ZBTB10: variants seen among roughly 807,000 people sequenced by gnomAD.
ZBTB10 encodes zinc finger and BTB domain-containing protein 10.
A neutral mutation model predicts 76.4 loss-of-function variants in ZBTB10; 32 were observed. That is an observed-to-expected ratio of 0.42 (90% CI 0.32 to 0.56). The LOEUF (loss-of-function observed/expected upper bound fraction) is 0.56, where lower values mean the gene tolerates loss of function less well. Among genes scored for constraint, ZBTB10 ranks in the 20% least tolerant of loss-of-function variants. The pLI is 0.14. For missense variants in ZBTB10, 1,057 were observed against 1,098.5 expected (o/e 0.96, Z 0.53); for synonymous variants, 523 against 432.9 (o/e 1.21, Z -2.58).
intron 2 of ZBTB10, among the ~76,000 whole-genome samples, chr8:80,501,896 C>T (rs1013545458): frequency 6.6e-6 from 1 of 152,148 alleles, no homozygotes; most frequent in African/African-American, 2.4e-5. Context: ...ATTAGAGCTA[C>T]GTTGTCTTTG....
chr8:80,498,753 C>T (rs575605815), intron 1 of ZBTB10, among the ~76,000 whole-genome samples: 28 of 152,076 alleles, frequency 1.8e-4, no homozygotes, highest in Non-Finnish European at 4.0e-4. Context: ...TTAATTGTGA[C>T]GCCAAGTAGA....
rs570875829 is a variant in ZBTB10 at position 80,525,749 on chromosome 8, C to G, written c.*6221C>G. 9.1e-4 allele frequency: 138 copies of G among 152,236 alleles called. No individual in the cohort carries two copies. The highest frequency in any genetic ancestry group is 3.1e-3 in the African/African-American group (129 of 41,548). 9.4% of individuals were successfully genotyped at this position (152,236 alleles called of 1,614,324 possible). ...GGGATAAGTTTGAAGTTAGAAGATT[C>G]CAGAGTACACTCAAATAGTATTTGG... On this transcript the variant is annotated 3_prime_UTR_variant, in exon 6 of 6. Transcript: ENST00000455036.
intron 1 of ZBTB10, 22 bp from the exon 2 acceptor site, chr8:80,499,472 A>T (rs746429340): frequency 3.3e-6 from 5 of 1,535,858 alleles, no homozygotes; most frequent in South Asian, 2.6e-5. Context: ...GTTTAATATT[A>T]ATGTTTTTTA....
intron 1 of ZBTB10, among the ~76,000 whole-genome samples, chr8:80,496,760 G>A (rs189589045): frequency 5.8e-4 from 88 of 152,262 alleles, no homozygotes; most frequent in African/African-American, 2.1e-3. Context: ...CTTGATATAC[G>A]GACTTTAGGC....
chr8:80,501,506 G>A (rs758761477), intron 2 of ZBTB10, among the ~76,000 whole-genome samples: 12 of 152,134 alleles, frequency 7.9e-5, no homozygotes, highest in Admixed American at 2.6e-4. Flanking sequence ...CACTGTAACT[G>A]TTCAGTGTCT....
chr8:80,502,737 G>T (rs1160689340), intron 2 of ZBTB10, among the ~76,000 whole-genome samples: 2 of 116,698 alleles, frequency 1.7e-5, no homozygotes, highest in East Asian at 4.3e-4. Context: ...GGCTAAAACA[G>T]TAAAAAAAAA....
At chr8:80,505,741 A>G (rs1333744126) in intron 2 of ZBTB10, among the ~76,000 whole-genome samples, 1 of 151,898 alleles carries the variant, frequency 6.6e-6, no homozygotes, top group East Asian at 1.9e-4. Context: ...GTAATAAGGC[A>G]TATATTTGAG....
chr8:80,485,978 T>TTCTCCG (rs1815436017), upstream of ZBTB10: 1 of 996,836 alleles, frequency 1.0e-6, no homozygotes, highest in Admixed American at 3.4e-5. Flanking sequence ...GCCCGCCCCC[T>TTCTCCG]CCCTGAGACC....
intron 1 of ZBTB10, among the ~76,000 whole-genome samples, chr8:80,497,450 A>G (rs1815811768): frequency 7.6e-6 from 1 of 131,110 alleles, no homozygotes; most frequent in African/African-American, 3.0e-5. Flanking sequence ...GCTAATTTAG[A>G]GCATGGAACA....
Position 80,524,914 on chromosome 8 carries a change from C to G in ZBTB10, c.*5386C>G, listed in dbSNP as rs967126762. 6.6e-6 allele frequency: 1 copy of G among 152,050 alleles called. No homozygotes were observed. The highest frequency in any genetic ancestry group is 1.5e-5 in the Non-Finnish European group (1 of 67,966). 9.4% of individuals were successfully genotyped at this position (152,050 alleles called of 1,614,324 possible). ...CAAAGGCAGTATTGACCAGACATTT[C>G]TATTTCAGAGTTGGATTTGTGCTTA... is the stretch of plus-strand genomic sequence containing the variant. On this transcript the variant is annotated 3_prime_UTR_variant, in exon 6 of 6. Coordinates refer to ENST00000455036, the MANE Select transcript of ZBTB10 (RefSeq NM_001105539.3).
chr8:80,494,852 G>T (rs1457479475), intron 1 of ZBTB10, among the ~76,000 whole-genome samples: 2 of 150,864 alleles, frequency 1.3e-5, no homozygotes, highest in Non-Finnish European at 2.9e-5. Flanking sequence ...TTGAACCCAG[G>T]AGGTTGAGGG....
In ZBTB10 at chr8:80,486,237, G is replaced by A. The variant is rs1379341297; in HGVS notation, c.-574G>A. On this transcript the variant is annotated 5_prime_UTR_variant, in exon 1 of 6. Transcript: ENST00000455036. Reference sequence around the variant, plus strand: ...ACGGTCCGTTGTTCATTTGCCATTCGACCTCCGCCAGGGCCTGGTCGGACG... The same window carrying A: ...ACGGTCCGTTGTTCATTTGCCATTCAACCTCCGCCAGGGCCTGGTCGGACG... 16 of 1,037,640 alleles carry A rather than the reference G, an allele frequency of 1.5e-5. No individual in the cohort carries two copies. Among genetic ancestry groups the A allele is most frequent in the Non-Finnish European group, 1.8e-5 (16 of 865,234 alleles). 64.3% of individuals were successfully genotyped at this position (1,037,640 alleles called of 1,614,324 possible). A position where few individuals can be genotyped will look rare whatever the true frequency, so the allele number is the denominator to read the frequency against.
chr8:80,518,340 C>T (rs1020160762), intron 3 of ZBTB10, 63 bp from the exon 4 acceptor site: 47 of 1,427,228 alleles, frequency 3.3e-5, no homozygotes, highest in Non-Finnish European at 4.4e-5. Context: ...TTTCTGTTTT[C>T]TGACTCTGAT....
At chr8:80,507,398 G>A (rs1015244823) in intron 2 of ZBTB10, among the ~76,000 whole-genome samples, 1 of 151,998 alleles carries the variant, frequency 6.6e-6, no homozygotes, top group African/African-American at 2.4e-5. Context: ...GGTTCACAAG[G>A]TCAGGAGATC....
rs138279182 is a variant in ZBTB10 at position 80,502,284 on chromosome 8, G to A, written c.1861+1902G>A. On this transcript the variant is annotated intron_variant, in intron 2 of 5. Transcript: ENST00000455036. ...GGAGTCTCACTCTGTTGCCCAGGCT[G>A]GAGTGCAGTGGCACAGTCTTGGTTC... 6.4e-3 allele frequency among the ~76,000 whole-genome samples: 968 copies of A among 152,308 alleles called. 2 individuals carry two copies. Among genetic ancestry groups the A allele is most frequent in the Non-Finnish European group, 0.011 (766 of 68,036 alleles).
chr8:80,517,352 A>G (rs1269052537), intron 3 of ZBTB10, among the ~76,000 whole-genome samples: 1 of 152,170 alleles, frequency 6.6e-6, no homozygotes, highest in Non-Finnish European at 1.5e-5. Context: ...CTGGATATAT[A>G]TTCCTATTGC....
chr8:80,495,630 C>A (rs1376032757), intron 1 of ZBTB10, among the ~76,000 whole-genome samples: 1 of 152,096 alleles, frequency 6.6e-6, no homozygotes, highest in African/African-American at 2.4e-5. Flanking sequence ...GCAACTGAAT[C>A]ATTTTGCTTC....
At chr8:80,493,736 A>G (rs1815709789) in intron 1 of ZBTB10, among the ~76,000 whole-genome samples, 1 of 152,028 alleles carries the variant, frequency 6.6e-6, no homozygotes, top group South Asian at 2.1e-4. Context: ...AGGCTGAGGC[A>G]GGAGAATCGC....
At chr8:80,488,164 C>T (rs1815530919) in intron 1 of ZBTB10, among the ~76,000 whole-genome samples, 1 of 152,208 alleles carries the variant, frequency 6.6e-6, no homozygotes, top group South Asian at 2.1e-4. Context: ...TCTATGCTCA[C>T]AGACGTTTAG....
Sources: allele counts gnomAD v4.1 joint callset (sites outside exome capture counted in the v4.1 genomes callset), GRCh38; gene constraint gnomAD v4.1.1; transcripts MANE v1.5; gene names NCBI Gene and HGNC (gene_info 2026-07-23, HGNC 2026-07-21).